Variants in MYO9A observed in about 807,000 individuals in gnomAD.
MYO9A encodes unconventional myosin-IXa.
In MYO9A, 103 loss-of-function variants were observed where a neutral mutation model predicts 293.3. The ratio of observed to expected loss-of-function variants is 0.35; its 90% CI spans 0.30 to 0.41. The LOEUF (loss-of-function observed/expected upper bound fraction) is 0.41, where lower values mean the gene tolerates loss of function less well. Ranked by LOEUF, MYO9A falls within the 10% of genes least tolerant of loss-of-function variation. The pLI is 1.00. For missense variants in MYO9A, 2,685 were observed against 3,033.0 expected (o/e 0.89, Z 2.69); for synonymous variants, 1,001 against 1,035.7 (o/e 0.97, Z 0.64).
chr15:71,878,540 T>C (rs955997602), intron 30 of MYO9A, among the ~76,000 whole-genome samples: 5 of 152,182 alleles, frequency 3.3e-5, no homozygotes, highest in African/African-American at 1.2e-4. Flanking sequence ...TGCATCCCTC[T>C]TAATTACTTT....
At chr15:72,029,764 C>G (rs1463237803) in intron 3 of MYO9A, among the ~76,000 whole-genome samples, 1 of 152,158 alleles carries the variant, frequency 6.6e-6, no homozygotes, top group Admixed American at 6.5e-5. Context: ...GTCTTTAAAA[C>G]TTCTTACCCA....
chr15:71,839,213 C>T (rs2055054176), intron 39 of MYO9A, among the ~76,000 whole-genome samples: 2 of 152,090 alleles, frequency 1.3e-5, no homozygotes, highest in South Asian at 4.1e-4. Context: ...TGCTGATTTC[C>T]CCTTGTGCTC....
At chr15:72,065,440 G>A (rs12908300) in intron 1 of MYO9A, among the ~76,000 whole-genome samples, 31,976 of 150,740 alleles carry the variant, frequency 0.21, 3,659 homozygotes, top group East Asian at 0.41. Flanking sequence ...GCTTGAACCC[G>A]GGAGGCGGAG....
chr15:72,117,463 G>A (rs1475987964), intron 1 of MYO9A, among the ~76,000 whole-genome samples: 1 of 152,158 alleles, frequency 6.6e-6, no homozygotes, highest in African/African-American at 2.4e-5. Context: ...GGGGAGGCTG[G>A]AGGGCCGGAA....
chr15:71,862,465 G>A, intron 33 of MYO9A, 35 bp downstream of exon 33: 1 of 1,479,170 alleles, frequency 6.8e-7, no homozygotes, highest in Non-Finnish European at 9.5e-7. Context: ...AATGTCAGTG[G>A]TTAAAAATAT....
intron 1 of MYO9A, among the ~76,000 whole-genome samples, chr15:72,047,250 C>T (rs1436006613): frequency 6.6e-6 from 1 of 152,178 alleles, no homozygotes; most frequent in Non-Finnish European, 1.5e-5. Flanking sequence ...GGGAGTTTGG[C>T]AAGAGTGACA....
chr15:72,036,509 CT>C (rs2078051642), intron 2 of MYO9A: 1 of 152,076 alleles, frequency 6.6e-6, no homozygotes, highest in African/African-American at 2.4e-5. Flanking sequence ...ACTCCTTTCT[CT>C]TTAGCTCCAC....
intron 32 of MYO9A, among the ~76,000 whole-genome samples, chr15:71,865,793 G>A (rs2056303109): frequency 6.6e-6 from 1 of 152,076 alleles, no homozygotes; most frequent in African/African-American, 2.4e-5. Context: ...TAGTTAAAAT[G>A]GCTAAATAGT....
At chr15:72,103,551 T>C (rs966171837) in intron 1 of MYO9A, among the ~76,000 whole-genome samples, 3 of 143,232 alleles carry the variant, frequency 2.1e-5, no homozygotes, top group Admixed American at 2.1e-4. Flanking sequence ...GCAGAAGCAG[T>C]GGAAGCAGAA....
intron 12 of MYO9A, among the ~76,000 whole-genome samples, chr15:71,969,635 T>C (rs2075962420): frequency 6.6e-6 from 1 of 152,190 alleles, no homozygotes; most frequent in Non-Finnish European, 1.5e-5. Flanking sequence ...TTATTTGCCT[T>C]CTAATCATCT....
intron 19 of MYO9A, among the ~76,000 whole-genome samples, chr15:71,913,158 T>C (rs1045612081): frequency 2.6e-5 from 4 of 152,212 alleles, no homozygotes; most frequent in Non-Finnish European, 1.5e-5. Flanking sequence ...ATTGCTATTT[T>C]CGTTTTTTTA....
chr15:72,051,702 T>C (rs2078570239), intron 1 of MYO9A, among the ~76,000 whole-genome samples: 2 of 152,104 alleles, frequency 1.3e-5, no homozygotes, highest in South Asian at 4.1e-4. Flanking sequence ...ATAGCACTGA[T>C]ACACCAGCCC....
intron 1 of MYO9A, among the ~76,000 whole-genome samples, chr15:72,090,093 T>C (rs763053941): frequency 1.6e-4 from 24 of 152,206 alleles, no homozygotes; most frequent in Non-Finnish European, 2.6e-4. Flanking sequence ...TCATTAGAAT[T>C]AGATAGGTAG....
chr15:72,048,197 C>T (rs533887538), intron 1 of MYO9A, among the ~76,000 whole-genome samples: 1 of 151,634 alleles, frequency 6.6e-6, no homozygotes, highest in African/African-American at 2.4e-5. Flanking sequence ...GTCAGGAGTT[C>T]GAGATCAGCC....
chr15:71,886,845 G>A (rs548612055), intron 27 of MYO9A, among the ~76,000 whole-genome samples: 40 of 152,114 alleles, frequency 2.6e-4, no homozygotes, highest in African/African-American at 9.4e-4. Flanking sequence ...TTCTTCTACT[G>A]TGTCACATCT....
chr15:72,091,658 C>T (rs189954248), intron 1 of MYO9A, among the ~76,000 whole-genome samples: 1 of 152,052 alleles, frequency 6.6e-6, no homozygotes, highest in East Asian at 1.9e-4. Flanking sequence ...TTACACAGAA[C>T]ACAACTACAA....
intron 1 of MYO9A, among the ~76,000 whole-genome samples, chr15:72,089,934 C>T (rs933944733): frequency 2.6e-5 from 4 of 152,128 alleles, no homozygotes; most frequent in African/African-American, 7.2e-5. Context: ...CCAATGGCTT[C>T]GAGTGGGATA....
chr15:71,854,635 C>T (rs530049811), intron 34 of MYO9A, 66 bp from the exon 35 acceptor site: 2 of 1,284,344 alleles, frequency 1.6e-6, no homozygotes, highest in East Asian at 2.5e-5. Context: ...TTAACCATTT[C>T]TTTACCAGGA....
chr15:72,060,880 T>A (rs1290095253), intron 1 of MYO9A, among the ~76,000 whole-genome samples: 1 of 152,030 alleles, frequency 6.6e-6, no homozygotes, highest in Non-Finnish European at 1.5e-5. Context: ...AGTGCTTGCA[T>A]TACCCCTCCC....
Sources: allele counts gnomAD v4.1 joint callset (sites outside exome capture counted in the v4.1 genomes callset), GRCh38; gene constraint gnomAD v4.1.1; transcripts MANE v1.5; gene names NCBI Gene and HGNC (gene_info 2026-07-23, HGNC 2026-07-21).